The following CADM2 variants were observed in gnomAD, a reference collection of about 807,000 sequenced individuals.
CADM2 encodes the protein cell adhesion molecule 2.
CADM2 carries 12 observed loss-of-function variants against 49.8 expected under a neutral mutation model. That is an observed-to-expected ratio of 0.24 (90% CI 0.15 to 0.39). CADM2 has a LOEUF of 0.39. Ranked by LOEUF, CADM2 falls within the 10% of genes least tolerant of loss-of-function variation. CADM2 has a pLI of 1.00. For missense variants in CADM2, 378 were observed against 492.3 expected (o/e 0.77, Z 2.20); for synonymous variants, 214 against 175.4 (o/e 1.22, Z -1.74).
At chr3:85,069,733 AGACTG>A (rs2036653549) in intron 1 of CADM2, among the ~76,000 whole-genome samples, 1 of 152,180 alleles carries the variant, frequency 6.6e-6, no homozygotes, top group Admixed American at 6.5e-5. Flanking sequence ...TGCTCTGTAA[AGACTG>A]GGAGTAAAAA....
At chr3:85,238,454 G>A (rs1175996412) in intron 1 of CADM2, among the ~76,000 whole-genome samples, 1 of 151,930 alleles carries the variant, frequency 6.6e-6, no homozygotes, top group African/African-American at 2.4e-5. Context: ...CTGAAGGATA[G>A]CAACTTCTCC....
At chr3:85,451,037 C>A (rs1165674929) in intron 1 of CADM2, among the ~76,000 whole-genome samples, 1 of 152,022 alleles carries the variant, frequency 6.6e-6, no homozygotes, top group Non-Finnish European at 1.5e-5. Flanking sequence ...CATGTTTTCT[C>A]TGCCCATAAA....
In CADM2 at chr3:86,070,322, A is replaced by C. The variant is rs893363538; in HGVS notation, c.*3539A>C. On this transcript the variant is annotated 3_prime_UTR_variant, in exon 10 of 10. Transcript: ENST00000383699. ...CAGCATTGAGATTTCATATAGGCAC[A>C]TGTATAGCAGCTGTTTGACAGTGAT... 1.3e-5 allele frequency: 2 copies of C among 151,958 alleles called. No homozygotes were observed. Among genetic ancestry groups the C allele is most frequent in the Admixed American group, 1.3e-4 (2 of 15,230 alleles). 9.4% of individuals were successfully genotyped at this position (151,958 alleles called of 1,614,324 possible).
intron 2 of CADM2, among the ~76,000 whole-genome samples, chr3:85,793,569 G>C (rs1336219885): frequency 6.6e-6 from 1 of 152,134 alleles, no homozygotes; most frequent in Non-Finnish European, 1.5e-5. Context: ...AACTTCCCTA[G>C]TTAAAATACA....
intron 1 of CADM2, among the ~76,000 whole-genome samples, chr3:85,495,144 A>T (rs892283016): frequency 1.3e-5 from 2 of 152,154 alleles, no homozygotes; most frequent in African/African-American, 4.8e-5. Flanking sequence ...TTTAATTATA[A>T]TTCCAACAAA....
chr3:84,983,473 T>C (rs899619973), intron 1 of CADM2, among the ~76,000 whole-genome samples: 5 of 152,124 alleles, frequency 3.3e-5, no homozygotes, highest in African/African-American at 1.2e-4. Flanking sequence ...AATTTTATTA[T>C]AAATACCACA....
chr3:85,765,182 C>G (rs1432268827), intron 2 of CADM2, among the ~76,000 whole-genome samples: 1 of 152,008 alleles, frequency 6.6e-6, no homozygotes, highest in African/African-American at 2.4e-5. Flanking sequence ...GTCTTCTCAG[C>G]CTTACAGCTA....
chr3:85,010,851 CTTTTTTTTTTTTTTTT>C lies in CADM2; in HGVS notation c.61+51198_61+51213del, dbSNP rs71105001. Among the ~76,000 whole-genome samples, 18 of 35,684 alleles carry C rather than the reference CTTTTTTTTTTTTTTTT, an allele frequency of 5.0e-4. 1 individual carries two copies. In the South Asian group the frequency reaches 0.012, roughly 24 times the overall value. The allele number at this position is 35,684 out of a possible 152,430, so 23.4% of individuals were successfully genotyped here. A position where few individuals can be genotyped will look rare whatever the true frequency, so the allele number is the denominator to read the frequency against. ...TTTTCCCAAATCACTCTGTTTATGT[CTTTTTTTTTTTTTTTT>C]TTTTTTTTTTTTTTGAGATGGAGTC... On this transcript the variant is annotated intron_variant, in intron 1 of 9. Transcript: ENST00000383699.
intron 1 of CADM2, among the ~76,000 whole-genome samples, chr3:85,158,610 A>G (rs1349874110): frequency 2.0e-5 from 3 of 152,184 alleles, no homozygotes; most frequent in Non-Finnish European, 4.4e-5. Context: ...CAAACACTGC[A>G]TATTCTGACT....
At chr3:85,890,868 G>A (rs987178854) in intron 5 of CADM2, among the ~76,000 whole-genome samples, 3 of 152,050 alleles carry the variant, frequency 2.0e-5, no homozygotes, top group Non-Finnish European at 4.4e-5. Flanking sequence ...ATATATCTAT[G>A]CAGAGTAACA....
chr3:85,996,674 A>G (rs891733757), intron 8 of CADM2, among the ~76,000 whole-genome samples: 1 of 152,172 alleles, frequency 6.6e-6, no homozygotes, highest in Non-Finnish European at 1.5e-5. Context: ...TATTGTTCTG[A>G]AATATTCTAA....
chr3:85,300,275 T>C (rs1331949045), intron 1 of CADM2, among the ~76,000 whole-genome samples: 1 of 152,066 alleles, frequency 6.6e-6, no homozygotes, highest in Non-Finnish European at 1.5e-5. Context: ...TGCAAGGATA[T>C]GAGAAAAAAA....
At chr3:85,603,829 C>T (rs770743015) in intron 1 of CADM2, among the ~76,000 whole-genome samples, 1 of 151,920 alleles carries the variant, frequency 6.6e-6, no homozygotes, top group Admixed American at 6.6e-5. Context: ...ACTTTCTTCT[C>T]ATCAAGAAAA....
chr3:85,652,777 T>C (rs112218361), intron 1 of CADM2, among the ~76,000 whole-genome samples: 16 of 110,048 alleles, frequency 1.5e-4, no homozygotes, highest in African/African-American at 2.3e-4. Context: ...CTTTTCTTTT[T>C]TTTTTTTTTT....
At chr3:85,103,953 T>A (rs975239066) in intron 1 of CADM2, among the ~76,000 whole-genome samples, 1 of 152,160 alleles carries the variant, frequency 6.6e-6, no homozygotes, top group African/African-American at 2.4e-5. Flanking sequence ...ATTGTTTTGA[T>A]AAGAGAAATA....
chr3:85,262,228 C>G (rs748678247), intron 1 of CADM2, among the ~76,000 whole-genome samples: 2 of 152,066 alleles, frequency 1.3e-5, no homozygotes, highest in Non-Finnish European at 2.9e-5. Context: ...TTAAATGATA[C>G]ATTAGGCATT....
chr3:84,980,294 T>G (rs1433206235), intron 1 of CADM2, among the ~76,000 whole-genome samples: 1 of 152,138 alleles, frequency 6.6e-6, no homozygotes, highest in Admixed American at 6.6e-5. Context: ...GCTAAGCCTG[T>G]GGATTTTACA....
At position 85,977,455 on chromosome 3, in the gene CADM2, A is replaced by G. The variant is rs140439683; in HGVS notation, c.970+15808A>G. On this transcript the variant is annotated intron_variant, in intron 8 of 9. Coordinates refer to ENST00000383699, the MANE Select transcript of CADM2 (RefSeq NM_001167675.2). ...TGGTCTTTGCAGTTATTAAATGTAT[A>G]TATTTTGAGATCCTAATCAGCAAAT... Among the ~76,000 whole-genome samples, 489 of 151,656 alleles carry G rather than the reference A, an allele frequency of 3.2e-3. 1 individual carries two copies. Among genetic ancestry groups the G allele is most frequent in the Non-Finnish European group, 5.2e-3 (350 of 67,702 alleles).
chr3:85,292,062 C>T (rs2043814321), intron 1 of CADM2, among the ~76,000 whole-genome samples: 1 of 150,784 alleles, frequency 6.6e-6, no homozygotes, highest in African/African-American at 2.5e-5. Context: ...TGCAGAGACA[C>T]ACATAGGCTC....
Sources: allele counts gnomAD v4.1 joint callset (sites outside exome capture counted in the v4.1 genomes callset), GRCh38; gene constraint gnomAD v4.1.1; transcripts MANE v1.5; gene names NCBI Gene and HGNC (gene_info 2026-07-23, HGNC 2026-07-21).